ATXN10: variants seen among roughly 807,000 people sequenced by gnomAD.
ATXN10 encodes ataxin 10.
ATXN10 carries 28 observed loss-of-function variants against 52.9 expected under a neutral mutation model. That is an observed-to-expected ratio of 0.53 (90% confidence interval 0.39 to 0.73). The LOEUF (loss-of-function observed/expected upper bound fraction) is 0.73, where lower values mean the gene tolerates loss of function less well. ATXN10 is among the 30% of genes least tolerant of loss of function. ATXN10 has a pLI of 0.00. For synonymous variants in ATXN10, 226 were observed against 221.5 expected, an observed-to-expected ratio of 1.02 and a Z score of -0.18; for missense variants, 565 against 577.0, an observed-to-expected ratio of 0.98 and a Z score of 0.21.
At position 45,718,222 on chromosome 22, in the gene ATXN10, G is replaced by A. The variant is rs1924516943; in HGVS notation, c.648-191G>A. ...TAAAATTGGAGAAAAATATTTTTAG[G>A]ATTTTTTTTCCTTTTAGCTGCTGAT... On this transcript the variant is annotated intron_variant, in intron 5 of 11. Coordinates refer to ENST00000252934, the MANE Select transcript of ATXN10 (RefSeq NM_013236.4). This position sits in a 1 kb window ranked among gnomAD's most constrained non-coding sequence, Gnocchi z 4.4. Among the ~76,000 whole-genome samples the A allele has an allele frequency of 6.6e-6, 1 of 152,068 alleles. No homozygotes were observed. The highest frequency in any genetic ancestry group is 1.5e-5 in the Non-Finnish European group (1 of 68,008).
intron 3 of ATXN10, among the ~76,000 whole-genome samples, chr22:45,693,847 G>A (rs889932071): frequency 5.3e-5 from 8 of 152,156 alleles, no homozygotes; most frequent in African/African-American, 1.7e-4. Flanking sequence ...GCCAAGGAGC[G>A]AGACCTCAGA....
intron 9 of ATXN10, among the ~76,000 whole-genome samples, chr22:45,745,423 A>T (rs1267101330): frequency 6.6e-6 from 1 of 152,144 alleles, no homozygotes; most frequent in Non-Finnish European, 1.5e-5. Flanking sequence ...ACTGCTATTC[A>T]GTTTCTTCTC....
rs1426891633 is a variant in ATXN10, at chr22:45,784,299, A to G, written c.1174-22660A>G. Reference sequence around the variant, plus strand: ...TTTTCTTTATCTGTCATCTTGGAACATTATTTTCTACCTTGCAAAACCATT... The same window carrying G: ...TTTTCTTTATCTGTCATCTTGGAACGTTATTTTCTACCTTGCAAAACCATT... On this transcript the variant is annotated intron_variant, in intron 9 of 11. Coordinates refer to ENST00000252934, the MANE Select transcript of ATXN10 (RefSeq NM_013236.4). This position sits in a 1 kb window ranked among gnomAD's most constrained non-coding sequence, Gnocchi z 4.2. Among the ~76,000 whole-genome samples, 1 of 152,184 alleles carries G rather than the reference A, an allele frequency of 6.6e-6. No individual in the cohort carries two copies. Among genetic ancestry groups the G allele is most frequent in the East Asian group, 1.9e-4 (1 of 5,196 alleles).
intron 9 of ATXN10, among the ~76,000 whole-genome samples, chr22:45,746,144 A>T (rs1199121818): frequency 6.6e-6 from 1 of 152,002 alleles, no homozygotes; most frequent in Non-Finnish European, 1.5e-5. Context: ...GGCTTCGTAG[A>T]TCTGAATGCG....
rs368100602 is a variant in ATXN10, at chr22:45,740,377, C to T, written c.1012C>T (p.Arg338Trp). ...GLLERVIDLLRVIHVAGKETT... is the reference protein window; with the variant it reads ...GLLERVIDLLWVIHVAGKETT... ...TACTCTTTTGGTTATAGATCTTTTGCGGGTGATTCATGTAGCTGGAAAAGA... is the reference window on the plus strand; with the variant it reads ...TACTCTTTTGGTTATAGATCTTTTGTGGGTGATTCATGTAGCTGGAAAAGA... The change falls in exon 9 of 12, where the codon CGG becomes TGG. Residue 338 changes from arginine to tryptophan, a missense_variant. Physicochemically the swap from Arg to Trp is moderately radical, Grantham distance 101. Transcript: ENST00000252934. The T allele has an allele frequency of 2.9e-5, 47 of 1,613,458 alleles. No homozygotes were observed. The highest frequency in any genetic ancestry group is 2.2e-4 in the East Asian group (10 of 44,844).
chr22:45,707,007 C>T (rs1273143495), intron 5 of ATXN10, among the ~76,000 whole-genome samples: 1 of 152,008 alleles, frequency 6.6e-6, no homozygotes, highest in African/African-American at 2.4e-5. Flanking sequence ...TCAGTTTTTG[C>T]TTCCCTTATT....
chr22:45,792,162 A>C (rs188923387), intron 9 of ATXN10, among the ~76,000 whole-genome samples: 22 of 152,360 alleles, frequency 1.4e-4, no homozygotes, highest in Admixed American at 1.0e-3. Flanking sequence ...ATAGAAGTCA[A>C]TTCTACCCTT....
chr22:45,795,428 T>TA lies in ATXN10; in HGVS notation c.1174-11531_1174-11530insA, dbSNP rs1927699716. ...CTATTCTATTCTATTCTATTCTTTT[T>TA]GAGATGAAGTCTCTCTATGTTGCCC... On this transcript the variant is annotated intron_variant, in intron 9 of 11. Coordinates refer to ENST00000252934, the MANE Select transcript of ATXN10 (RefSeq NM_013236.4). The surrounding 1 kb of genome is among the most constrained non-coding windows in gnomAD (Gnocchi z 4.6). 8.0e-6 allele frequency among the ~76,000 whole-genome samples: 1 copy of TA among 124,278 alleles called. No homozygotes were observed. The highest frequency in any genetic ancestry group is 2.7e-4 in the East Asian group (1 of 3,678). 81.5% of individuals were successfully genotyped at this position (124,278 alleles called of 152,430 possible). A position where few individuals can be genotyped will look rare whatever the true frequency, so the allele number is the denominator to read the frequency against.
Position 45,696,641 on chromosome 22 carries a change from C to T in ATXN10, c.391+3563C>T, listed in dbSNP as rs867909972. Among the ~76,000 whole-genome samples the T allele has an allele frequency of 2.1e-4, 32 of 152,222 alleles. No homozygotes were observed. Among genetic ancestry groups the T allele is most frequent in the African/African-American group, 4.1e-4 (17 of 41,462 alleles). ...CATTTTCATCAGCAAGTAATATGCC[C>T]TCCCATTTTTCATTTAAAAATATCT... On this transcript the variant is annotated intron_variant, in intron 3 of 11. Transcript: ENST00000252934. This position sits in a 1 kb window ranked among gnomAD's most constrained non-coding sequence, Gnocchi z 4.7.
In ATXN10 at chr22:45,840,164, C is replaced by T. The variant is rs1929299481; in HGVS notation, c.1238-2827C>T. On this transcript the variant is annotated intron_variant, in intron 10 of 11. Transcript: ENST00000252934. The surrounding 1 kb of genome is among the most constrained non-coding windows in gnomAD (Gnocchi z 5.8). The stretch of plus-strand genomic sequence containing the variant: ...GCTGAGGCAAGAGGATCACTTGAGC[C>T]TAGGCTTTCAAGACACAATTTCAAT... Among the ~76,000 whole-genome samples the T allele has an allele frequency of 6.6e-6, 1 of 152,160 alleles. No homozygotes were observed. The highest frequency in any genetic ancestry group is 2.4e-5 in the African/African-American group (1 of 41,430).
In ATXN10 at chr22:45,820,697, G is replaced by C. The variant is rs136020; in HGVS notation, c.1237+13675G>C. Reference sequence around the variant, plus strand: ...CTTAAAATCTTCATTGAGGTCAAGAGAAAAGATGTTGGACCCCGTGGCCGC... The same window carrying C: ...CTTAAAATCTTCATTGAGGTCAAGACAAAAGATGTTGGACCCCGTGGCCGC... On this transcript the variant is annotated intron_variant, in intron 10 of 11. Coordinates refer to ENST00000252934, the MANE Select transcript of ATXN10 (RefSeq NM_013236.4). The surrounding 1 kb of genome is among the most constrained non-coding windows in gnomAD (Gnocchi z 4.9). Among the ~76,000 whole-genome samples, 133,287 of 152,260 alleles carry C rather than the reference G, an allele frequency of 0.88. 58,677 individuals are homozygous for C. Among genetic ancestry groups the C allele is most frequent in the African/African-American group, 0.97 (40,324 of 41,568 alleles).
chr22:45,693,810 A>G (rs1923477958), intron 3 of ATXN10, among the ~76,000 whole-genome samples: 1 of 152,208 alleles, frequency 6.6e-6, no homozygotes, highest in Admixed American at 6.5e-5. Context: ...CCATGTGAAG[A>G]CACAGGGAGA....
chr22:45,812,138 C>T (rs991176382), intron 10 of ATXN10, among the ~76,000 whole-genome samples: 2 of 152,178 alleles, frequency 1.3e-5, no homozygotes, highest in Admixed American at 6.5e-5. Flanking sequence ...TCACACCCAG[C>T]GTTCTGTGTC....
At chr22:45,742,132 A>G (rs1208630531) in intron 9 of ATXN10, among the ~76,000 whole-genome samples, 2 of 152,102 alleles carry the variant, frequency 1.3e-5, no homozygotes, top group Admixed American at 1.3e-4. Context: ...CTCCCACCCT[A>G]GAGTTTATAG....
intron 7 of ATXN10, among the ~76,000 whole-genome samples, chr22:45,737,692 T>C (rs1023408981): frequency 7.7e-6 from 1 of 129,376 alleles, no homozygotes; most frequent in Non-Finnish European, 1.6e-5. Flanking sequence ...TGTTATCTCT[T>C]TTTTTTTTTT....
At chr22:45,687,995 T>C (rs1923215822) in intron 1 of ATXN10, among the ~76,000 whole-genome samples, 1 of 152,128 alleles carries the variant, frequency 6.6e-6, no homozygotes, top group African/African-American at 2.4e-5. Flanking sequence ...AGGCAGAGGT[T>C]GCAGTGAGCC....
chr22:45,767,434 C>A (rs1239879629), intron 9 of ATXN10, among the ~76,000 whole-genome samples: 3 of 149,238 alleles, frequency 2.0e-5, no homozygotes, highest in Non-Finnish European at 4.4e-5. Flanking sequence ...TATAAATATA[C>A]ATACACACAC....
chr22:45,680,399 C>G (rs1420017702), intron 1 of ATXN10, among the ~76,000 whole-genome samples: 1 of 152,170 alleles, frequency 6.6e-6, no homozygotes, highest in East Asian at 1.9e-4. Context: ...CAATACCTCC[C>G]AAATTGACCT....
rs564624664 is a variant in ATXN10 at position 45,805,882 on chromosome 22, G to A, written c.1174-1077G>A. Among the ~76,000 whole-genome samples the A allele has an allele frequency of 3.4e-4, 52 of 152,254 alleles. No individual in the cohort carries two copies. The highest frequency in any genetic ancestry group is 1.2e-3 in the African/African-American group (50 of 41,540). Reference sequence around the variant, plus strand: ...GATGTCTCAGCAAAAAATGAACTGGGCCAGGCACAGTCACTCATGCCGATA... The same window carrying A: ...GATGTCTCAGCAAAAAATGAACTGGACCAGGCACAGTCACTCATGCCGATA... On this transcript the variant is annotated intron_variant, in intron 9 of 11. Coordinates refer to ENST00000252934, the MANE Select transcript of ATXN10 (RefSeq NM_013236.4). This position sits in a 1 kb window ranked among gnomAD's most constrained non-coding sequence, Gnocchi z 4.4.
Sources: allele counts gnomAD v4.1 joint callset (sites outside exome capture counted in the v4.1 genomes callset), GRCh38; gene constraint gnomAD v4.1.1; non-coding constraint Gnocchi (gnomAD v3.1); transcripts MANE v1.5; gene names NCBI Gene and HGNC (gene_info 2026-07-23, HGNC 2026-07-21).